The following PHIP variants were observed in gnomAD, a reference collection of about 807,000 sequenced individuals.
PHIP encodes PHIP subunit of CUL4-Ring ligase complex.
Under a neutral mutation model 236.8 loss-of-function variants are expected in PHIP, and 54 were observed. The ratio of observed to expected loss-of-function variants is 0.23; its 90% CI spans 0.18 to 0.29. The LOEUF is 0.29. PHIP is among the 10% of genes least tolerant of loss of function. PHIP has a pLI of 1.00. For synonymous variants in PHIP, 756 were observed against 718.9 expected, an observed-to-expected ratio of 1.05 and a Z score of -0.83; for missense variants, 1,370 against 2,190.8, an observed-to-expected ratio of 0.63 and a Z score of 7.48.
chr6:78,970,740 T>C (rs771836457), intron 25 of PHIP, 41 bp downstream of exon 25: 15 of 1,270,860 alleles, frequency 1.2e-5, no homozygotes, highest in South Asian at 5.2e-5. Context: ...AATTCCATAA[T>C]TGTATTTTTG....
chr6:79,078,176 G>A lies in PHIP; in HGVS notation c.-108C>T, dbSNP rs1774291541. ...CTGTCAGTGTGTGTTCACGAGCCGA[G>A]CTTCGGCTCCACCATTCAAGCAACG... On this transcript the variant is annotated 5_prime_UTR_variant, in exon 1 of 40. Transcript: ENST00000275034. The A allele has an allele frequency of 6.3e-6, 7 of 1,103,498 alleles. No individual in the cohort carries two copies. The highest frequency in any genetic ancestry group is 9.2e-6 in the Non-Finnish European group (7 of 763,398). 68.4% of individuals were successfully genotyped at this position (1,103,498 alleles called of 1,614,324 possible).
At chr6:79,012,465 G>C (rs1284978365) in intron 15 of PHIP, among the ~76,000 whole-genome samples, 1 of 151,672 alleles carries the variant, frequency 6.6e-6, no homozygotes, top group African/African-American at 2.4e-5. Flanking sequence ...CAAAAAAGGA[G>C]TATTCCACCA....
chr6:79,052,455 G>A (rs2152951), intron 6 of PHIP, among the ~76,000 whole-genome samples: 68,210 of 151,984 alleles, frequency 0.45, 15,962 homozygotes, highest in East Asian at 0.69. Flanking sequence ...TTCTAAGCTA[G>A]GTTAGGTATT....
At chr6:79,002,168 T>C in intron 16 of PHIP, 44 bp from the exon 17 acceptor site, 5 of 1,363,676 alleles carry the variant, frequency 3.7e-6, no homozygotes, top group Non-Finnish European at 5.1e-6. Flanking sequence ...AATAAAAATG[T>C]ATCATTGTAG....
Position 78,997,580 on chromosome 6 carries a change from A to C in PHIP, c.2035T>G (p.Ser679Ala). 6.2e-7 allele frequency: 1 copy of C among 1,613,334 alleles called. No individual in the cohort carries two copies. Among genetic ancestry groups the C allele is most frequent in the African/African-American group, 1.3e-5 (1 of 74,998 alleles). The change falls in exon 19 of 40, where the codon TCA becomes GCA. Residue 679 changes from serine to alanine, a missense_variant. Ser to Ala is a moderately conservative substitution (Grantham distance 99). Coordinates refer to ENST00000275034, the MANE Select transcript of PHIP (RefSeq NM_017934.7). ...RLSRGSISSTSEVHSPPNVGL... is the reference protein window; with the variant it reads ...RLSRGSISSTAEVHSPPNVGL... The stretch of plus-strand genomic sequence containing the variant: ...ACGTTTGGTGGTGAATGAACCTCTG[A>C]GGTAGAACTTATGGAGCCTAAGTGA...
intron 15 of PHIP, among the ~76,000 whole-genome samples, chr6:79,013,167 TA>T (rs1043688248): frequency 5.9e-5 from 9 of 151,788 alleles, no homozygotes; most frequent in African/African-American, 2.2e-4. Context: ...CCAAGAATAA[TA>T]AAATCTATCT....
At chr6:79,069,632 A>T (rs577233164) in intron 4 of PHIP, among the ~76,000 whole-genome samples, 2 of 152,212 alleles carry the variant, frequency 1.3e-5, no homozygotes, top group Admixed American at 1.3e-4. Context: ...CCTTATTAGA[A>T]CTTTAGTTTT....
At chr6:78,964,906 T>C (rs1562130413) in intron 29 of PHIP, among the ~76,000 whole-genome samples, 1 of 152,260 alleles carries the variant, frequency 6.6e-6, no homozygotes, top group Non-Finnish European at 1.5e-5. Context: ...AATATCCTTC[T>C]AATCCCTTTT....
intron 22 of PHIP, among the ~76,000 whole-genome samples, chr6:78,985,025 C>T (rs1446908358): frequency 6.7e-6 from 1 of 148,358 alleles, no homozygotes; most frequent in African/African-American, 2.6e-5. Flanking sequence ...ATAGTTAACT[C>T]AGGAGGCTTG....
intron 19 of PHIP, among the ~76,000 whole-genome samples, chr6:78,995,096 T>C (rs998001859): frequency 4.6e-5 from 7 of 152,224 alleles, no homozygotes; most frequent in Non-Finnish European, 1.0e-4. Flanking sequence ...CCCTTGTCAT[T>C]TCAAGAATAT....
chr6:78,947,267 G>A (rs1773871771), intron 36 of PHIP, among the ~76,000 whole-genome samples: 1 of 152,066 alleles, frequency 6.6e-6, no homozygotes, highest in South Asian at 2.1e-4. Context: ...GTCATGTCTG[G>A]TCAGAGTGTT....
rs932699267 is a variant in PHIP at position 78,935,230 on chromosome 6, T to C, written c.*5463A>G. ...TTTTTTTTACCTTCCTTCCTCAACT[T>C]AGAAATTTATTATATACAAAATCAT... On this transcript the variant is annotated 3_prime_UTR_variant, in exon 40 of 40. Transcript: ENST00000275034. 1.3e-5 allele frequency among the ~76,000 whole-genome samples: 2 copies of C among 152,132 alleles called. No individual in the cohort carries two copies. The highest frequency in any genetic ancestry group is 1.3e-4 in the Admixed American group (2 of 15,262).
At chr6:78,955,772 A>G (rs758093313) in intron 32 of PHIP, 90 bp from the exon 33 acceptor site, 7 of 526,128 alleles carry the variant, frequency 1.3e-5, no homozygotes, top group African/African-American at 3.9e-5. Flanking sequence ...ATTTTAAGGT[A>G]AAAGTTGAAG....
Position 79,015,136 on chromosome 6 carries a change from G to A in PHIP, c.1470C>T (p.Asn490=), listed in dbSNP as rs375350790. ...CTCTTGCCAGATCCCACACTATCAC[G>A]TTTCCATCATGACCAGCAGAAAAGA... ...RVLFSAGHDG[N]VIVWDLARGV... The change falls in exon 15 of 40, where the codon AAC becomes AAT. Residue 490 remains asparagine (N), a synonymous_variant. Coordinates refer to ENST00000275034, the MANE Select transcript of PHIP (RefSeq NM_017934.7). The A allele has an allele frequency of 1.2e-5, 19 of 1,610,858 alleles. No homozygotes were observed. Among genetic ancestry groups the A allele is most frequent in the Middle Eastern group, 3.3e-4 (2 of 6,072 alleles).
chr6:79,017,298 T>C (rs1770881028), intron 12 of PHIP, 48 bp downstream of exon 12: 1 of 1,139,512 alleles, frequency 8.8e-7, no homozygotes, highest in Non-Finnish European at 1.2e-6. Context: ...TAAAATTGTC[T>C]TTATTTCATA....
At chr6:78,989,620 T>C (rs548493932) in intron 20 of PHIP, among the ~76,000 whole-genome samples, 2 of 152,362 alleles carry the variant, frequency 1.3e-5, no homozygotes, top group East Asian at 1.9e-4. Flanking sequence ...GCTAAAAATA[T>C]GTGAGTGTGC....
intron 6 of PHIP, among the ~76,000 whole-genome samples, chr6:79,058,663 T>C (rs1018495168): frequency 2.6e-5 from 4 of 152,098 alleles, no homozygotes; most frequent in African/African-American, 7.2e-5. Flanking sequence ...TTCCTACCTA[T>C]AGAACATTTA....
chr6:78,953,052 T>A (rs961280031), intron 35 of PHIP, among the ~76,000 whole-genome samples: 14 of 152,108 alleles, frequency 9.2e-5, no homozygotes, highest in Non-Finnish European at 1.3e-4. Flanking sequence ...GTTTTTTTTT[T>A]AAATCATTAG....
intron 32 of PHIP, chr6:78,956,228 A>G (rs989751232): frequency 1.3e-5 from 2 of 152,092 alleles, no homozygotes; most frequent in African/African-American, 4.8e-5. Flanking sequence ...CTTTAACAAC[A>G]TATCATTCTT....
Sources: allele counts gnomAD v4.1 joint callset (sites outside exome capture counted in the v4.1 genomes callset), GRCh38; gene constraint gnomAD v4.1.1; transcripts MANE v1.5; gene names NCBI Gene and HGNC (gene_info 2026-07-23, HGNC 2026-07-21).